PNPLA8: variants seen among roughly 807,000 people sequenced by gnomAD.
The protein encoded by PNPLA8 is calcium-independent phospholipase A2-gamma.
A neutral mutation model predicts 76.9 loss-of-function variants in PNPLA8; 39 were observed. The ratio of observed to expected loss-of-function variants is 0.51; its 90% CI spans 0.39 to 0.66. PNPLA8 has a LOEUF of 0.66. Ranked by LOEUF, PNPLA8 falls within the 30% of genes least tolerant of loss-of-function variation. The pLI is 0.00. For missense variants in PNPLA8, 887 were observed against 918.0 expected (o/e 0.97, Z 0.44); for synonymous variants, 301 against 307.9 (o/e 0.98, Z 0.24).
intron 2 of PNPLA8, among the ~76,000 whole-genome samples, chr7:108,520,430 C>A (rs1271478872): frequency 6.6e-6 from 1 of 152,052 alleles, no homozygotes; most frequent in African/African-American, 2.4e-5. Flanking sequence ...AGGCTAGGAA[C>A]AGTGTGTGAG....
At chr7:108,506,643 G>C (rs1292064102) in intron 4 of PNPLA8, among the ~76,000 whole-genome samples, 1 of 151,694 alleles carries the variant, frequency 6.6e-6, no homozygotes, top group Non-Finnish European at 1.5e-5. Flanking sequence ...CAAATGTCTA[G>C]CAATAGAGGG....
chr7:108,514,988 A>C lies in PNPLA8; in HGVS notation c.504T>G (p.Ser168Arg), dbSNP rs1354497268. 1.9e-6 allele frequency: 3 copies of C among 1,606,728 alleles called. No individual in the cohort carries two copies. Residue 168 changes from serine (S) to arginine (R), a missense_variant, in exon 3 of 11, where the codon AGT (serine) becomes AGG (arginine). Physicochemically the swap from Ser to Arg is moderately radical, Grantham distance 110. Transcript: ENST00000257694. ...KKYSDKSAEKSPFPEEKSHII... is the reference protein window; with the variant it reads ...KKYSDKSAEKRPFPEEKSHII... ...TGTGACTTTTCTCTTCTGGAAAAGGACTCTTTTCTGCTGATTTGTCACTAT... is the reference window on the plus strand; with the variant it reads ...TGTGACTTTTCTCTTCTGGAAAAGGCCTCTTTTCTGCTGATTTGTCACTAT...
intron 4 of PNPLA8, among the ~76,000 whole-genome samples, chr7:108,513,810 C>T (rs577409124): frequency 6.6e-6 from 1 of 152,104 alleles, no homozygotes; most frequent in Non-Finnish European, 1.5e-5. Flanking sequence ...ATTATGTCTC[C>T]TATCTTAAAA....
At position 108,486,227 on chromosome 7, in the gene PNPLA8, T is replaced by C. The variant is rs1038589618; in HGVS notation, c.1878+1532A>G. Among the ~76,000 whole-genome samples the C allele has an allele frequency of 2.6e-5, 4 of 152,134 alleles. 1 individual carries two copies. The highest frequency in any genetic ancestry group is 2.4e-5 in the African/African-American group (1 of 41,462). On this transcript the variant is annotated intron_variant, in intron 9 of 10. Transcript: ENST00000257694. ...CACAAGATCCCCAAATGTAATTATT[T>C]AGTATTTGAGACTTTCACTAATTGG... is the stretch of plus-strand genomic sequence containing the variant.
intron 10 of PNPLA8, among the ~76,000 whole-genome samples, chr7:108,473,972 G>A (rs1859801670): frequency 6.6e-6 from 1 of 152,134 alleles, no homozygotes; most frequent in Non-Finnish European, 1.5e-5. Flanking sequence ...GATTACAGGT[G>A]TGAACCACCA....
In PNPLA8 at chr7:108,496,610, G is replaced by A; in HGVS notation, c.1599C>T (p.Asp533=). ...TAAGAATGTTTTCCCATGTTTGACT[G>A]TCATAAAATGCATGGCTCCAACTCA... The part of the protein sequence containing the change: ...VKMSWSHAFY[D]SQTWENILKD... The change falls in exon 7 of 11, where the codon GAC becomes GAT. Residue 533 remains aspartate (D), a synonymous_variant. Transcript: ENST00000257694. The A allele has an allele frequency of 6.2e-7, 1 of 1,603,896 alleles. No homozygotes were observed. Among genetic ancestry groups the A allele is most frequent in the African/African-American group, 1.3e-5 (1 of 74,356 alleles).
At position 108,514,718 on chromosome 7, in the gene PNPLA8, T is replaced by C; in HGVS notation, c.774A>G (p.Pro258=). Residue 258 remains proline, a synonymous_variant, in exon 3 of 11, where the codon CCA becomes CCG. Coordinates refer to ENST00000257694, the MANE Select transcript of PNPLA8 (RefSeq NM_001256007.3). ...SPDPGILAYK[P]GSESVHTVDK... is the part of the protein sequence containing the mutation. ...CCACCGTATGTACAGATTCTGAGCCTGGCTTATAAGCCAGGATGCCAGGAT... is the reference window on the plus strand; with the variant it reads ...CCACCGTATGTACAGATTCTGAGCCCGGCTTATAAGCCAGGATGCCAGGAT... The C allele has an allele frequency of 6.2e-7, 1 of 1,614,048 alleles. No homozygotes were observed. The highest frequency in any genetic ancestry group is 8.5e-7 in the Non-Finnish European group (1 of 1,179,908).
intron 2 of PNPLA8, among the ~76,000 whole-genome samples, chr7:108,517,558 A>G (rs1353355264): frequency 6.6e-6 from 1 of 152,244 alleles, no homozygotes; most frequent in Non-Finnish European, 1.5e-5. Context: ...CGGTATGTGT[A>G]TGTGCCACAG....
chr7:108,518,600 T>C (rs1598973787), intron 2 of PNPLA8, among the ~76,000 whole-genome samples: 2 of 151,480 alleles, frequency 1.3e-5, no homozygotes, highest in South Asian at 2.1e-4. Flanking sequence ...TGTGTCAGGG[T>C]AGGGGGTATA....
At chr7:108,504,596 T>A (rs1035016396) in intron 4 of PNPLA8, among the ~76,000 whole-genome samples, 1 of 152,230 alleles carries the variant, frequency 6.6e-6, no homozygotes, top group Non-Finnish European at 1.5e-5. Flanking sequence ...TTTTCTCTTT[T>A]AAAAATTTTT....
intron 10 of PNPLA8, among the ~76,000 whole-genome samples, chr7:108,473,920 G>T (rs1362581280): frequency 2.6e-5 from 4 of 152,072 alleles, no homozygotes. Context: ...GACCAGGCTG[G>T]TCTCAAACTT....
At chr7:108,489,546 T>G (rs985235034) in intron 8 of PNPLA8, among the ~76,000 whole-genome samples, 5 of 152,366 alleles carry the variant, frequency 3.3e-5, no homozygotes, top group African/African-American at 1.2e-4. Flanking sequence ...AGCACTTATG[T>G]ATTTCAGGGA....
intron 1 of PNPLA8, among the ~76,000 whole-genome samples, chr7:108,525,550 A>G (rs1337181378): frequency 1.3e-5 from 2 of 152,244 alleles, no homozygotes; most frequent in Non-Finnish European, 2.9e-5. Flanking sequence ...GGTCAAGGAT[A>G]GAATCAAATG....
chr7:108,479,154 A>G (rs1403434355), intron 10 of PNPLA8, 30 bp downstream of exon 10: 1 of 1,494,414 alleles, frequency 6.7e-7, no homozygotes, highest in Non-Finnish European at 9.3e-7. Flanking sequence ...CTAGAAGTTG[A>G]AGTATTTTAA....
intron 4 of PNPLA8, among the ~76,000 whole-genome samples, chr7:108,503,081 T>C (rs1862083605): frequency 6.6e-6 from 1 of 152,192 alleles, no homozygotes. Flanking sequence ...GCATATGGGA[T>C]TCAAGGTTGC....
At chr7:108,522,226 G>A (rs373754990) in intron 1 of PNPLA8, among the ~76,000 whole-genome samples, 40 of 151,604 alleles carry the variant, frequency 2.6e-4, no homozygotes, top group Middle Eastern at 3.4e-3. Context: ...CCCGGGAGGC[G>A]GAGATTGCAG....
chr7:108,493,949 C>T (rs1235178783), intron 7 of PNPLA8, among the ~76,000 whole-genome samples: 1 of 151,898 alleles, frequency 6.6e-6, no homozygotes, highest in Non-Finnish European at 1.5e-5. Context: ...AATAAATCCA[C>T]AGAGAAACCA....
chr7:108,493,550 G>A (rs1436771045), intron 7 of PNPLA8, among the ~76,000 whole-genome samples: 1 of 140,352 alleles, frequency 7.1e-6, no homozygotes, highest in Non-Finnish European at 1.5e-5. Flanking sequence ...GACTACAGGC[G>A]CCCGCCCCCA....
chr7:108,502,180 C>T (rs1418754152), intron 5 of PNPLA8, among the ~76,000 whole-genome samples: 1 of 151,310 alleles, frequency 6.6e-6, no homozygotes, highest in Admixed American at 6.6e-5. Context: ...CAGTGGCTCG[C>T]GCCTGTAATC....
Sources: allele counts gnomAD v4.1 joint callset (sites outside exome capture counted in the v4.1 genomes callset), GRCh38; gene constraint gnomAD v4.1.1; transcripts MANE v1.5; gene names NCBI Gene and HGNC (gene_info 2026-07-23, HGNC 2026-07-21).